CNTNAP1: variants seen among roughly 807,000 people sequenced by gnomAD.
The protein encoded by CNTNAP1 is contactin associated protein 1.
CNTNAP1 carries 80 observed loss-of-function variants against 161.5 expected under a neutral mutation model. That is an observed-to-expected ratio of 0.50 (90% CI 0.41 to 0.60). The LOEUF is 0.60. Among genes scored for constraint, CNTNAP1 ranks in the 20% least tolerant of loss-of-function variants. CNTNAP1 has a pLI of 0.00. For synonymous variants in CNTNAP1, 695 were observed against 733.1 expected (o/e 0.95, Z 0.84); for missense variants, 1,464 against 1,854.8 (o/e 0.79, Z 3.87).
Position 42,687,164 on chromosome 17 carries a change from C to G in CNTNAP1, c.1044+118C>G. The G allele has an allele frequency of 7.1e-7, 1 of 1,405,722 alleles. No individual in the cohort carries two copies. Among genetic ancestry groups the G allele is most frequent in the South Asian group, 1.3e-5 (1 of 74,374 alleles). The allele number at this position is 1,405,722 out of a possible 1,614,324, so 87.1% of individuals were successfully genotyped here. A position where few individuals can be genotyped will look rare whatever the true frequency, so the allele number is the denominator to read the frequency against. The stretch of plus-strand genomic sequence containing the variant: ...AAGCGGAGAATCCCTCTGTCCCCAG[C>G]CAGATGCTCAAGTTGGGAGGGGAGC... On this transcript the variant is annotated intron_variant, in intron 7 of 23. Coordinates refer to ENST00000264638, the MANE Select transcript of CNTNAP1 (RefSeq NM_003632.3). The surrounding 1 kb of genome is among the most constrained non-coding windows in gnomAD (Gnocchi z 4.7).
At chr17:42,696,617 C>G (rs952358063) in intron 20 of CNTNAP1, among the ~76,000 whole-genome samples, 5 of 152,112 alleles carry the variant, frequency 3.3e-5, no homozygotes, top group African/African-American at 1.2e-4. Context: ...GCCACCGCGC[C>G]CAGCCAGACA....
At position 42,688,896 on chromosome 17, in the gene CNTNAP1, C is replaced by A; in HGVS notation, c.1477C>A (p.Arg493=). 2 of 1,614,078 alleles carry A rather than the reference C, an allele frequency of 1.2e-6. No individual in the cohort carries two copies. Among genetic ancestry groups the A allele is most frequent in the South Asian group, 2.2e-5 (2 of 91,078 alleles). The stretch of plus-strand genomic sequence containing the variant: ...TCCAGGTTGTCCCAAGCCAGCCAGT[C>A]GATGGGACTGCCACTCCAACCAGAC... The part of the protein sequence containing the change: ...FFGGCPKPAS[R]WDCHSNQTAF... The change falls in exon 10 of 24, where the codon CGA becomes AGA. Residue 493 remains arginine, a synonymous_variant. Coordinates refer to ENST00000264638, the MANE Select transcript of CNTNAP1 (RefSeq NM_003632.3).
chr17:42,695,375 G>C (rs1312270607), intron 18 of CNTNAP1, 146 bp from the exon 19 acceptor site: 2 of 657,820 alleles, frequency 3.0e-6, no homozygotes, highest in Non-Finnish European at 5.3e-6. Context: ...TGACAGAGGG[G>C]CTCAAGGGGA....
rs747983304 is a variant in CNTNAP1, at chr17:42,684,118, C to G, written c.252C>G (p.Ala84=). ...TAATGAAGAAGCACCGGATCCGGGC[C>G]GTGGCCACACAGGGCTCCTTTAATT... The part of the protein sequence containing the change: ...IDLMKKHRIR[A]VATQGSFNSW... The change falls in exon 3 of 24, where the codon GCC becomes GCG. Residue 84 remains alanine, a synonymous_variant. Transcript: ENST00000264638. 6.2e-7 allele frequency: 1 copy of G among 1,614,208 alleles called. No homozygotes were observed. Among genetic ancestry groups the G allele is most frequent in the Non-Finnish European group, 8.5e-7 (1 of 1,180,032 alleles).
chr17:42,691,128 C>G lies in CNTNAP1; in HGVS notation c.2060-9C>G. 1 of 1,613,272 alleles carries G rather than the reference C, an allele frequency of 6.2e-7. No homozygotes were observed. The highest frequency in any genetic ancestry group is 8.5e-7 in the Non-Finnish European group (1 of 1,179,650). On this transcript the variant is annotated splice_polypyrimidine_tract_variant and intron_variant, in intron 13 of 23. Coordinates refer to ENST00000264638, the MANE Select transcript of CNTNAP1 (RefSeq NM_003632.3). This position sits in a 1 kb window ranked among gnomAD's most constrained non-coding sequence, Gnocchi z 4.3. ...CAGGGCCTGGAAGCTGCCTGCACCT[C>G]TTCCCCAGGAGGCTACCCCTACAGC...
Position 42,691,445 on chromosome 17 carries a change from G to C in CNTNAP1, c.2278G>C (p.Gly760Arg), listed in dbSNP as rs373128299. 55 of 1,613,952 alleles carry C rather than the reference G, an allele frequency of 3.4e-5. No individual in the cohort carries two copies. The highest frequency in any genetic ancestry group is 4.5e-5 in the Non-Finnish European group (53 of 1,180,006). ...DHLPVTQVVI[G>R]DTNRSTSEAQ... ...TCTGCCTGTCACTCAGGTAGTGATA[G>C]GGGATACGAACCGCTCCACTTCTGA... The change falls in exon 15 of 24, where the codon GGG becomes CGG. Residue 760 changes from glycine (G) to arginine (R), a missense_variant. Around this residue, in one of 3 missense-constraint regions of CNTNAP1, gnomAD observed 1,383 missense variants for 1,765.0 expected, o/e 0.78. Transcript: ENST00000264638. The surrounding 1 kb of genome is among the most constrained non-coding windows in gnomAD (Gnocchi z 4.3).
At chr17:42,688,754 C>A in intron 9 of CNTNAP1, 122 bp from the exon 10 acceptor site, 1 of 1,494,486 alleles carries the variant, frequency 6.7e-7, no homozygotes, top group Non-Finnish European at 9.2e-7. Flanking sequence ...AAGGTCATTG[C>A]CATCTACACT....
Position 42,691,748 on chromosome 17 carries a change from T to C in CNTNAP1, c.2345-58T>C. 1 of 1,567,064 alleles carries C rather than the reference T, an allele frequency of 6.4e-7. No homozygotes were observed. The highest frequency in any genetic ancestry group is 2.3e-5 in the East Asian group (1 of 44,420). On this transcript the variant is annotated intron_variant, in intron 15 of 23. Coordinates refer to ENST00000264638, the MANE Select transcript of CNTNAP1 (RefSeq NM_003632.3). This position sits in a 1 kb window ranked among gnomAD's most constrained non-coding sequence, Gnocchi z 4.3. Reference sequence around the variant, plus strand: ...CTTCCCTGCCCCCAACCCCAGGTTCTCTTCCTCCTCCACCCTCCAATCTCC... The same window carrying C: ...CTTCCCTGCCCCCAACCCCAGGTTCCCTTCCTCCTCCACCCTCCAATCTCC...
In CNTNAP1 at chr17:42,697,671, G is replaced by A. The variant is rs201223272; in HGVS notation, c.3686G>A (p.Arg1229Gln). The A allele has an allele frequency of 1.2e-5, 19 of 1,613,968 alleles. No individual in the cohort carries two copies. The African/African-American group carries it at 1.3e-4, about 11-fold the overall frequency. ...APLKTHFRTP[R>Q]PMTAELAEAL... Reference sequence around the variant, plus strand: ...CTCAAGACCCACTTCCGAACCCCTCGACCCATGACTGCTGAGCTAGCTGAG... The same window carrying A: ...CTCAAGACCCACTTCCGAACCCCTCAACCCATGACTGCTGAGCTAGCTGAG... The change falls in exon 22 of 24, where the codon CGA becomes CAA. Residue 1229 changes from arginine (R) to glutamine (Q), a missense_variant. Arg to Gln is a conservative substitution (Grantham distance 43). This residue lies in a region of CNTNAP1 where 1,383 missense variants were observed against 1,765.0 expected (regional missense o/e 0.78). Transcript: ENST00000264638.
At chr17:42,686,649 C>A (rs73303743) in intron 6 of CNTNAP1, among the ~76,000 whole-genome samples, 2 of 152,114 alleles carry the variant, frequency 1.3e-5, no homozygotes, top group African/African-American at 2.4e-5. Flanking sequence ...AGACCCTGAC[C>A]CCATCTGCAG....
intron 23 of CNTNAP1, among the ~76,000 whole-genome samples, chr17:42,698,198 G>T (rs992507267): frequency 4.6e-5 from 7 of 152,190 alleles, no homozygotes; most frequent in African/African-American, 1.7e-4. Context: ...GATGTTTGAG[G>T]ATGCTACAGA....
chr17:42,688,776 C>A, intron 9 of CNTNAP1, 100 bp from the exon 10 acceptor site: 4 of 1,531,354 alleles, frequency 2.6e-6, no homozygotes, highest in South Asian at 2.3e-5. Context: ...TGGTTGTAGT[C>A]CCCTTTCTTC....
intron 1 of CNTNAP1, chr17:42,683,309 G>A (rs1290925017): frequency 9.2e-7 from 1 of 1,083,812 alleles, no homozygotes; most frequent in Non-Finnish European, 1.1e-6. Context: ...CTGGGGCTGG[G>A]TTTTGTGGCA....
intron 1 of CNTNAP1, 54 bp downstream of exon 1, chr17:42,682,950 CA>C: frequency 6.6e-7 from 1 of 1,510,594 alleles, no homozygotes; most frequent in Non-Finnish European, 8.9e-7. Flanking sequence ...CCAGAGCCTG[CA>C]GGGCGGCCCC....
At chr17:42,688,049 C>T in intron 8 of CNTNAP1, 68 bp downstream of exon 8, 2 of 1,559,594 alleles carry the variant, frequency 1.3e-6, no homozygotes. Flanking sequence ...AAGTTGTAGG[C>T]CTGGACTGAG....
rs565761181 is a variant in CNTNAP1 at position 42,694,077 on chromosome 17, T to C, written c.2992+541T>C. Among the ~76,000 whole-genome samples, 200 of 152,028 alleles carry C rather than the reference T, an allele frequency of 1.3e-3. 4 individuals are homozygous for C. The South Asian group carries it at 0.041, about 31-fold the overall frequency. ...GGTTTCACCACATTGGCCAGGCTGG[T>C]CTCGAACTCTTGACCTTGTGATCTG... On this transcript the variant is annotated intron_variant, in intron 18 of 23. Transcript: ENST00000264638.
chr17:42,696,661 G>A (rs779258215), intron 20 of CNTNAP1, among the ~76,000 whole-genome samples: 21 of 152,054 alleles, frequency 1.4e-4, no homozygotes, highest in Non-Finnish European at 2.9e-4. Flanking sequence ...TTACAAATCA[G>A]TAAAGAGCCT....
intron 21 of CNTNAP1, 77 bp downstream of exon 21, chr17:42,697,444 C>T (rs2053165672): frequency 2.5e-6 from 4 of 1,608,184 alleles, no homozygotes; most frequent in Non-Finnish European, 3.4e-6. Flanking sequence ...AAGTGAAGGC[C>T]CTGGGAATGG....
Position 42,699,059 on chromosome 17 carries a change from G to GCAGAGCTA in CNTNAP1, c.*154_*161dup. 1 of 633,682 alleles carries GCAGAGCTA rather than the reference G, an allele frequency of 1.6e-6. No individual in the cohort carries two copies. Among genetic ancestry groups the GCAGAGCTA allele is most frequent in the South Asian group, 2.6e-5 (1 of 37,966 alleles). The allele number at this position is 633,682 out of a possible 1,614,324, so 39.3% of individuals were successfully genotyped here. A position where few individuals can be genotyped will look rare whatever the true frequency, so the allele number is the denominator to read the frequency against. On this transcript the variant is annotated 3_prime_UTR_variant, in exon 24 of 24. Coordinates refer to ENST00000264638, the MANE Select transcript of CNTNAP1 (RefSeq NM_003632.3). ...ATCCCCCCCCCATCAAGTTTGGTGG[G>GCAGAGCTA]CAGAGCTACAGATGGGACCCAAGGG...
Sources: allele counts gnomAD v4.1 joint callset (sites outside exome capture counted in the v4.1 genomes callset), GRCh38; gene constraint gnomAD v4.1.1; regional missense constraint gnomAD v4.1.1; non-coding constraint Gnocchi (gnomAD v3.1); transcripts MANE v1.5; gene names NCBI Gene and HGNC (gene_info 2026-07-23, HGNC 2026-07-21).